PCNX1: variants seen among roughly 807,000 people sequenced by gnomAD.
PCNX1 encodes pecanex 1, also known as pecanex-like protein 1.
In PCNX1, 78 loss-of-function variants were observed where a neutral mutation model predicts 242.2. The observed-to-expected ratio is 0.32, with a 90% CI of 0.27 to 0.39. The LOEUF is 0.39. PCNX1 is among the 10% of genes least tolerant of loss of function. PCNX1 has a pLI of 1.00. For synonymous variants in PCNX1, 1,024 were observed against 1,032.9 expected (o/e 0.99, Z 0.17); for missense variants, 2,581 against 2,856.5 (o/e 0.90, Z 2.20).
intron 3 of PCNX1, among the ~76,000 whole-genome samples, chr14:70,965,604 A>G (rs796543178): frequency 3.0e-4 from 43 of 144,072 alleles, no homozygotes; most frequent in African/African-American, 1.0e-3. Context: ...TGGAGGTTGC[A>G]GTGAGCTGAG....
chr14:71,024,782 C>T (rs1457057587), intron 13 of PCNX1, among the ~76,000 whole-genome samples: 3 of 152,080 alleles, frequency 2.0e-5, no homozygotes, highest in African/African-American at 7.2e-5. Context: ...TGTTTGGCAT[C>T]CTCTACCTAC....
Position 71,013,091 on chromosome 14 carries a change from C to T in PCNX1, c.2885C>T (p.Pro962Leu), listed in dbSNP as rs765478432. The T allele has an allele frequency of 2.5e-6, 4 of 1,613,974 alleles. No homozygotes were observed. The highest frequency in any genetic ancestry group is 3.4e-6 in the Non-Finnish European group (4 of 1,179,874). The change falls in exon 11 of 36, where the codon CCA becomes CTA. Residue 962 changes from proline (P) to leucine (L), a missense_variant. Around this residue, in one of 9 missense-constraint regions of PCNX1, gnomAD observed 1,204 missense variants for 1,216.7 expected, o/e 0.99. Transcript: ENST00000304743. ...LSPDLAATYG[P>L]TEEAAQKVKH... is the part of the protein sequence containing the mutation. ...CCTGACTTGGCAGCTACTTACGGCCCAACAGAAGAAGCTGCCCAAAAGGTT... is the reference window on the plus strand; with the variant it reads ...CCTGACTTGGCAGCTACTTACGGCCTAACAGAAGAAGCTGCCCAAAAGGTT...
At chr14:70,952,749 T>C (rs1253643001) in intron 2 of PCNX1, among the ~76,000 whole-genome samples, 2 of 152,354 alleles carry the variant, frequency 1.3e-5, no homozygotes, top group South Asian at 2.1e-4. Context: ...TAGTGTTTTT[T>C]GTCTTGTGGT....
chr14:70,987,503 A>G (rs2059033754), intron 6 of PCNX1, among the ~76,000 whole-genome samples: 1 of 152,172 alleles, frequency 6.6e-6, no homozygotes, highest in African/African-American at 2.4e-5. Flanking sequence ...ATGGACTTTT[A>G]CCCCACAAGT....
At position 71,110,203 on chromosome 14, in the gene PCNX1, A is replaced by T; in HGVS notation, c.*268A>T. The T allele has an allele frequency of 2.2e-6, 1 of 451,856 alleles. No homozygotes were observed. The highest frequency in any genetic ancestry group is 4.1e-6 in the Non-Finnish European group (1 of 246,178). 28.0% of individuals were successfully genotyped at this position (451,856 alleles called of 1,614,324 possible). On this transcript the variant is annotated 3_prime_UTR_variant, in exon 36 of 36. Coordinates refer to ENST00000304743, the MANE Select transcript of PCNX1 (RefSeq NM_014982.3). Reference sequence around the variant, plus strand: ...GAAGGATAAAGTTCTGTTAAAATACATCCTTAAAAAAAGTTTTTCCTATGC... The same window carrying T: ...GAAGGATAAAGTTCTGTTAAAATACTTCCTTAAAAAAAGTTTTTCCTATGC...
At chr14:71,107,357 A>AT (rs563833062) in intron 33 of PCNX1, among the ~76,000 whole-genome samples, 6 of 150,106 alleles carry the variant, frequency 4.0e-5, no homozygotes, top group Non-Finnish European at 7.4e-5. Flanking sequence ...GGTTTTTGTA[A>AT]TTTTTTTTTT....
chr14:71,003,210 A>G (rs1332687638), intron 8 of PCNX1, among the ~76,000 whole-genome samples: 1 of 149,906 alleles, frequency 6.7e-6, no homozygotes, highest in East Asian at 2.0e-4. Flanking sequence ...CAGCCCCGCA[A>G]GTAGCTGGGA....
At position 70,907,805 on chromosome 14, in the gene PCNX1, G is replaced by T; in HGVS notation, c.-46G>T. 1.6e-6 allele frequency: 2 copies of T among 1,234,002 alleles called. No individual in the cohort carries two copies. Among genetic ancestry groups the T allele is most frequent in the Non-Finnish European group, 2.0e-6 (2 of 987,330 alleles). 76.4% of individuals were successfully genotyped at this position (1,234,002 alleles called of 1,614,324 possible). ...CCGAGGCCGAGCTGGGGCCGGGGCG[G>T]GGACGGCGGCGGCGGCGGCGGCGAC... On this transcript the variant is annotated 5_prime_UTR_variant, in exon 1 of 36. Coordinates refer to ENST00000304743, the MANE Select transcript of PCNX1 (RefSeq NM_014982.3).
rs2062813194 is a variant in PCNX1 at position 71,114,382 on chromosome 14, CAAAT to C, written c.*4452_*4455del. Reference sequence around the variant, plus strand: ...GATTGGAAAGGAATTAATTATTATACAAATAAATCTGGTAGGATATGAGTGGAGT... The same window carrying C: ...GATTGGAAAGGAATTAATTATTATACAAATCTGGTAGGATATGAGTGGAGT... On this transcript the variant is annotated 3_prime_UTR_variant, in exon 36 of 36. Coordinates refer to ENST00000304743, the MANE Select transcript of PCNX1 (RefSeq NM_014982.3). The C allele has an allele frequency of 6.6e-6, 1 of 152,112 alleles. No homozygotes were observed. The highest frequency in any genetic ancestry group is 1.5e-5 in the Non-Finnish European group (1 of 68,016). The allele number at this position is 152,112 out of a possible 1,614,324, so 9.4% of individuals were successfully genotyped here.
chr14:71,096,257 G>A (rs1164807364), intron 30 of PCNX1, among the ~76,000 whole-genome samples: 1 of 152,106 alleles, frequency 6.6e-6, no homozygotes, highest in African/African-American at 2.4e-5. Context: ...GGCAGAGGTT[G>A]CAGTGAGCTG....
At chr14:70,983,834 A>T (rs2058917074) in intron 6 of PCNX1, among the ~76,000 whole-genome samples, 1 of 151,532 alleles carries the variant, frequency 6.6e-6, no homozygotes, top group Non-Finnish European at 1.5e-5. Context: ...TTTCATTGGA[A>T]CAAAATCTTT....
chr14:70,946,773 T>C (rs1396210570), intron 1 of PCNX1, 142 bp from the exon 2 acceptor site: 1 of 630,104 alleles, frequency 1.6e-6, no homozygotes, highest in East Asian at 2.8e-5. Context: ...GCATTGAAGC[T>C]GCTAAGTTTT....
rs546962850 is a variant in PCNX1 at position 70,960,915 on chromosome 14, A to G, written c.363-1311A>G. On this transcript the variant is annotated intron_variant, in intron 2 of 35. Transcript: ENST00000304743. ...AATCATGAATGAACTCCCATTCACA[A>G]TTGCTTCAAAGAGAATAAAATACCT... Among the ~76,000 whole-genome samples, 27 of 152,332 alleles carry G rather than the reference A, an allele frequency of 1.8e-4. No homozygotes were observed. In the East Asian group the frequency reaches 3.7e-3, roughly 21 times the overall value.
At chr14:71,032,954 C>T (rs749698757) in intron 16 of PCNX1, among the ~76,000 whole-genome samples, 1 of 152,206 alleles carries the variant, frequency 6.6e-6, no homozygotes. Flanking sequence ...TAGTTTATTA[C>T]ATGGGCAAAG....
At chr14:70,950,382 C>T (rs1365446056) in intron 2 of PCNX1, among the ~76,000 whole-genome samples, 2 of 152,076 alleles carry the variant, frequency 1.3e-5, no homozygotes, top group East Asian at 1.9e-4. Flanking sequence ...CACAGTATCT[C>T]ATTATGCCAA....
At chr14:71,080,293 A>AAGTT (rs2061821763) in intron 28 of PCNX1, among the ~76,000 whole-genome samples, 1 of 152,078 alleles carries the variant, frequency 6.6e-6, no homozygotes, top group African/African-American at 2.4e-5. Context: ...GTAGAGTTTG[A>AAGTT]AGTTAGGTAA....
chr14:70,997,408 C>T (rs2059384346), intron 8 of PCNX1, among the ~76,000 whole-genome samples: 1 of 152,066 alleles, frequency 6.6e-6, no homozygotes, highest in South Asian at 2.1e-4. Context: ...AGATGATTGT[C>T]CTCCATAAGA....
chr14:70,968,377 A>G, intron 4 of PCNX1, 134 bp downstream of exon 4: 3 of 568,912 alleles, frequency 5.3e-6, no homozygotes, highest in Non-Finnish European at 6.0e-6. Flanking sequence ...AAAATTATTT[A>G]TCTTATTAAA....
intron 1 of PCNX1, among the ~76,000 whole-genome samples, chr14:70,922,645 G>C (rs542764712): frequency 2.3e-4 from 35 of 151,858 alleles, no homozygotes; most frequent in Non-Finnish European, 5.0e-4. Flanking sequence ...GATTATATTT[G>C]TGTTGCAGGA....
Sources: allele counts gnomAD v4.1 joint callset (sites outside exome capture counted in the v4.1 genomes callset), GRCh38; gene constraint gnomAD v4.1.1; regional missense constraint gnomAD v4.1.1; transcripts MANE v1.5; gene names NCBI Gene and HGNC (gene_info 2026-07-23, HGNC 2026-07-21).